DCC: variants seen among roughly 807,000 people sequenced by gnomAD.
DCC encodes DCC netrin 1 receptor.
A neutral mutation model predicts 172.5 loss-of-function variants in DCC; 58 were observed. That is an observed-to-expected ratio of 0.34 (90% CI 0.27 to 0.42). The LOEUF (loss-of-function observed/expected upper bound fraction) is 0.42. DCC is among the 10% of genes least tolerant of loss of function. The pLI is 1.00. For synonymous variants in DCC, 709 were observed against 644.5 expected (o/e 1.10, Z -1.52); for missense variants, 1,740 against 1,791.0 (o/e 0.97, Z 0.51).
chr18:52,572,310 A>G (rs933666972), intron 1 of DCC, among the ~76,000 whole-genome samples: 1 of 152,188 alleles, frequency 6.6e-6, no homozygotes, highest in East Asian at 1.9e-4. Context: ...GAAGGAGGGA[A>G]AGGAAAAATC....
intron 2 of DCC, among the ~76,000 whole-genome samples, chr18:52,866,615 T>G (rs2039232788): frequency 6.6e-6 from 1 of 152,208 alleles, no homozygotes; most frequent in African/African-American, 2.4e-5. Flanking sequence ...CCTTGTAAGT[T>G]GTATTACTAG....
At chr18:53,128,894 TATATATA>T (rs2043610537) in intron 7 of DCC, among the ~76,000 whole-genome samples, 1 of 138,534 alleles carries the variant, frequency 7.2e-6, no homozygotes, top group East Asian at 2.2e-4. Flanking sequence ...TATATATATA[TATATATA>T]TATTATTTGG....
At chr18:52,351,930 A>G (rs1006561893) in intron 1 of DCC, among the ~76,000 whole-genome samples, 3 of 152,262 alleles carry the variant, frequency 2.0e-5, no homozygotes, top group African/African-American at 7.2e-5. Flanking sequence ...TCAACCTACC[A>G]TCTACCACTG....
In DCC at chr18:53,531,568, C is replaced by T. The variant is rs1340666407; in HGVS notation, c.*915C>T. The T allele has an allele frequency of 6.6e-6, 1 of 152,630 alleles. No individual in the cohort carries two copies. Among genetic ancestry groups the T allele is most frequent in the Non-Finnish European group, 1.5e-5 (1 of 68,110 alleles). The allele number at this position is 152,630 out of a possible 1,614,324, so 9.5% of individuals were successfully genotyped here. ...GAAGAATGCCCCCACCCCTTCACCC[C>T]ATCCCTCCCTGAGTTCTCCTTGGCA... On this transcript the variant is annotated 3_prime_UTR_variant, in exon 29 of 29. Coordinates refer to ENST00000442544, the MANE Select transcript of DCC (RefSeq NM_005215.4).
At chr18:52,592,644 A>C (rs1445351072) in intron 1 of DCC, among the ~76,000 whole-genome samples, 1 of 152,152 alleles carries the variant, frequency 6.6e-6, no homozygotes, top group Non-Finnish European at 1.5e-5. Context: ...AGGATATGGA[A>C]ATAGGAAAGA....
chr18:52,863,744 C>T (rs2145366368), intron 2 of DCC, among the ~76,000 whole-genome samples: 1 of 151,976 alleles, frequency 6.6e-6, no homozygotes, highest in African/African-American at 2.4e-5. Context: ...TTTTTAACAA[C>T]TATGTTTGGT....
At chr18:53,033,815 G>A (rs1181408404) in intron 5 of DCC, among the ~76,000 whole-genome samples, 1 of 151,964 alleles carries the variant, frequency 6.6e-6, no homozygotes, top group African/African-American at 2.4e-5. Flanking sequence ...GTCTTATACA[G>A]TCTGTCTTCA....
At chr18:53,161,896 G>A (rs1241934297) in intron 8 of DCC, among the ~76,000 whole-genome samples, 2 of 152,064 alleles carry the variant, frequency 1.3e-5, no homozygotes, top group African/African-American at 4.8e-5. Flanking sequence ...GGCTGGTTAT[G>A]ATTTTATATT....
intron 7 of DCC, 101 bp downstream of exon 7, chr18:53,066,267 G>C: frequency 1.8e-6 from 2 of 1,121,090 alleles, no homozygotes; most frequent in South Asian, 2.5e-5. Flanking sequence ...GGGCAATATG[G>C]CAATATGAAA....
chr18:53,107,534 AAGG>A (rs1750529165), intron 7 of DCC, among the ~76,000 whole-genome samples: 1 of 96,826 alleles, frequency 1.0e-5, no homozygotes, highest in Non-Finnish European at 2.0e-5. Flanking sequence ...AAAAAAAAAA[AAGG>A]AAGGAAAAAA....
At chr18:52,562,615 A>G (rs929022858) in intron 1 of DCC, among the ~76,000 whole-genome samples, 3 of 152,082 alleles carry the variant, frequency 2.0e-5, no homozygotes, top group Non-Finnish European at 2.9e-5. Context: ...AACAATATTC[A>G]GTTTTGCATC....
chr18:52,377,872 G>A (rs947743684), intron 1 of DCC, among the ~76,000 whole-genome samples: 1 of 151,810 alleles, frequency 6.6e-6, no homozygotes, highest in African/African-American at 2.4e-5. Flanking sequence ...ACTAATTTTT[G>A]TATTTTTAGT....
chr18:53,415,157 T>C (rs915228641), intron 20 of DCC, among the ~76,000 whole-genome samples: 1 of 152,228 alleles, frequency 6.6e-6, no homozygotes, highest in Non-Finnish European at 1.5e-5. Flanking sequence ...TTTCAAATGA[T>C]GATTGATTTG....
At chr18:52,748,184 C>G (rs528084390) in intron 1 of DCC, among the ~76,000 whole-genome samples, 3 of 152,164 alleles carry the variant, frequency 2.0e-5, no homozygotes, top group African/African-American at 7.2e-5. Flanking sequence ...CTTTAGGTGC[C>G]GGCACAGGCG....
intron 1 of DCC, among the ~76,000 whole-genome samples, chr18:52,514,077 G>A (rs568264961): frequency 1.8e-4 from 28 of 152,124 alleles, no homozygotes; most frequent in African/African-American, 4.6e-4. Context: ...CTTAAGAGTT[G>A]CACTCTTCTC....
At chr18:52,400,755 T>A (rs1404533959) in intron 1 of DCC, among the ~76,000 whole-genome samples, 2 of 152,086 alleles carry the variant, frequency 1.3e-5, no homozygotes, top group Admixed American at 1.3e-4. Flanking sequence ...CATGGAATAC[T>A]ATGCAGCCAT....
At chr18:52,775,076 G>A (rs1180159788) in intron 2 of DCC, among the ~76,000 whole-genome samples, 1 of 152,172 alleles carries the variant, frequency 6.6e-6, no homozygotes, top group Non-Finnish European at 1.5e-5. Context: ...CAGGGTTTTG[G>A]AGGAAAGGCA....
chr18:53,521,829 C>T (rs1245423211), intron 27 of DCC, among the ~76,000 whole-genome samples: 1 of 151,818 alleles, frequency 6.6e-6, no homozygotes, highest in Non-Finnish European at 1.5e-5. Context: ...TCAAGGGAGT[C>T]TAGGTCAAAA....
intron 1 of DCC, among the ~76,000 whole-genome samples, chr18:52,544,904 G>A (rs2032570410): frequency 6.6e-6 from 1 of 152,176 alleles, no homozygotes; most frequent in Admixed American, 6.5e-5. Flanking sequence ...TAAACCTAAT[G>A]AAGGTTAGAT....
Sources: allele counts gnomAD v4.1 joint callset (sites outside exome capture counted in the v4.1 genomes callset), GRCh38; gene constraint gnomAD v4.1.1; transcripts MANE v1.5; gene names NCBI Gene and HGNC (gene_info 2026-07-23, HGNC 2026-07-21).